Variants in CRIM1 observed in about 807,000 individuals in gnomAD.
CRIM1 encodes cysteine rich transmembrane BMP regulator 1.
A neutral mutation model predicts 116.4 loss-of-function variants in CRIM1; 32 were observed. The observed-to-expected ratio is 0.27, with a 90% CI of 0.21 to 0.37. CRIM1 has a LOEUF of 0.37. Ranked by LOEUF, CRIM1 falls within the 10% of genes least tolerant of loss-of-function variation. The pLI is 1.00. For missense variants in CRIM1, 1,331 were observed against 1,354.8 expected, an observed-to-expected ratio of 0.98 and a Z score of 0.28; for synonymous variants, 590 against 509.2, an observed-to-expected ratio of 1.16 and a Z score of -2.13.
intron 14 of CRIM1, among the ~76,000 whole-genome samples, chr2:36,542,805 G>A (rs1457039505): frequency 6.6e-6 from 1 of 152,156 alleles, no homozygotes; most frequent in Non-Finnish European, 1.5e-5. Flanking sequence ...ACACATGAGA[G>A]TTTTTCAGTG....
chr2:36,439,886 C>T (rs890687234), intron 2 of CRIM1, among the ~76,000 whole-genome samples: 2 of 152,154 alleles, frequency 1.3e-5, no homozygotes, highest in Non-Finnish European at 2.9e-5. Flanking sequence ...CTAACAAGGT[C>T]AGGAACCTGT....
chr2:36,407,883 A>T (rs1328898938), intron 2 of CRIM1, among the ~76,000 whole-genome samples: 32 of 152,216 alleles, frequency 2.1e-4, no homozygotes, highest in Non-Finnish European at 2.9e-5. Flanking sequence ...ATCTGTAAAC[A>T]GCATAATAAT....
intron 1 of CRIM1, among the ~76,000 whole-genome samples, chr2:36,389,968 A>G (rs1558529014): frequency 6.6e-6 from 1 of 152,086 alleles, no homozygotes; most frequent in East Asian, 1.9e-4. Flanking sequence ...ACATCTTGTA[A>G]GAGGCCTCAT....
At chr2:36,505,888 A>C (rs1166808673) in intron 8 of CRIM1, among the ~76,000 whole-genome samples, 1 of 152,176 alleles carries the variant, frequency 6.6e-6, no homozygotes, top group Non-Finnish European at 1.5e-5. Context: ...TCAAACACAT[A>C]CCATACCCAG....
At chr2:36,380,262 C>G (rs1044926562) in intron 1 of CRIM1, among the ~76,000 whole-genome samples, 1 of 152,190 alleles carries the variant, frequency 6.6e-6, no homozygotes, top group Admixed American at 6.5e-5. Context: ...AGTTTGAGCT[C>G]AAGCTCCTTA....
rs116289765 is a variant in CRIM1, at chr2:36,463,114, G to A, written c.870-1420G>A. Among the ~76,000 whole-genome samples, 335 of 152,302 alleles carry A rather than the reference G, an allele frequency of 2.2e-3. 2 individuals carry two copies. Among genetic ancestry groups the A allele is most frequent in the South Asian group, 0.011 (53 of 4,824 alleles). On this transcript the variant is annotated intron_variant, in intron 4 of 16. Coordinates refer to ENST00000280527, the MANE Select transcript of CRIM1 (RefSeq NM_016441.3). ...AATAGAACTGCCACCCCACATGGAA[G>A]AATCCTCAAGGAGCCTACCTTGGGG...
chr2:36,378,055 G>A (rs1558514945), intron 1 of CRIM1, among the ~76,000 whole-genome samples: 1 of 152,180 alleles, frequency 6.6e-6, no homozygotes, highest in Non-Finnish European at 1.5e-5. Flanking sequence ...TCCAACATGT[G>A]CAGTGGAGAT....
chr2:36,358,121 A>G (rs1668977958), intron 1 of CRIM1, among the ~76,000 whole-genome samples: 1 of 89,664 alleles, frequency 1.1e-5, no homozygotes, highest in Non-Finnish European at 2.6e-5. Context: ...TGCACACGTA[A>G]GACATTGGGT....
intron 5 of CRIM1, among the ~76,000 whole-genome samples, chr2:36,471,235 A>G (rs1678489080): frequency 6.6e-6 from 1 of 152,198 alleles, no homozygotes; most frequent in Admixed American, 6.5e-5. Flanking sequence ...GATTTAGACT[A>G]TTACATAAAT....
intron 11 of CRIM1, among the ~76,000 whole-genome samples, chr2:36,515,686 A>T (rs1482088729): frequency 1.3e-5 from 2 of 152,196 alleles, no homozygotes; most frequent in African/African-American, 4.8e-5. Context: ...TTTTGTCTCC[A>T]TGTCTCTGGC....
At chr2:36,487,648 T>C (rs980465647) in intron 7 of CRIM1, among the ~76,000 whole-genome samples, 2 of 152,068 alleles carry the variant, frequency 1.3e-5, no homozygotes, top group Admixed American at 1.3e-4. Context: ...CTTTGTCTTC[T>C]ATGACATAGT....
intron 4 of CRIM1, among the ~76,000 whole-genome samples, chr2:36,451,979 C>T (rs1038154255): frequency 2.0e-5 from 3 of 152,158 alleles, no homozygotes; most frequent in Non-Finnish European, 4.4e-5. Flanking sequence ...ATCATGCCTA[C>T]TCAAGCTAAC....
At chr2:36,392,812 GAATTGAA>G (rs1210844550) in intron 1 of CRIM1, among the ~76,000 whole-genome samples, 6 of 152,122 alleles carry the variant, frequency 3.9e-5, no homozygotes, top group Non-Finnish European at 5.9e-5. Flanking sequence ...AGCGGGCAGA[GAATTGAA>G]AGAGTTTACT....
chr2:36,446,944 C>A (rs912503915), intron 4 of CRIM1, among the ~76,000 whole-genome samples: 1 of 152,192 alleles, frequency 6.6e-6, no homozygotes, highest in Admixed American at 6.5e-5. Context: ...GAATTTACAA[C>A]AGAAACTTAA....
intron 7 of CRIM1, among the ~76,000 whole-genome samples, chr2:36,481,992 C>T (rs998872754): frequency 1.3e-5 from 2 of 152,204 alleles, no homozygotes; most frequent in Non-Finnish European, 2.9e-5. Flanking sequence ...ACTGTCTCCT[C>T]GCAGTTTGAA....
intron 5 of CRIM1, among the ~76,000 whole-genome samples, chr2:36,465,361 A>G (rs848562): frequency 0.088 from 13,474 of 152,268 alleles, 971 homozygotes; most frequent in Admixed American, 0.21. Context: ...TCTCTACCAG[A>G]ATATTCATTA....
At chr2:36,366,505 T>G (rs933945146) in intron 1 of CRIM1, among the ~76,000 whole-genome samples, 2 of 152,266 alleles carry the variant, frequency 1.3e-5, no homozygotes, top group East Asian at 3.9e-4. Flanking sequence ...ATTTGGAAAT[T>G]TTAGCAACCA....
chr2:36,526,339 G>A (rs1558402312), intron 13 of CRIM1, among the ~76,000 whole-genome samples: 1 of 152,136 alleles, frequency 6.6e-6, no homozygotes, highest in Non-Finnish European at 1.5e-5. Context: ...GAATTCTGAT[G>A]GGTGAAAAGA....
intron 7 of CRIM1, among the ~76,000 whole-genome samples, chr2:36,487,580 C>T (rs848539): frequency 0.083 from 12,362 of 149,466 alleles, 1,158 homozygotes; most frequent in East Asian, 0.26. Context: ...AAAAGGTGGC[C>T]GATCTAGCTG....
Sources: gnomAD v4.1 joint callset for allele counts (sites outside exome capture counted in the v4.1 genomes callset) on GRCh38, gnomAD v4.1.1 for gene constraint, MANE v1.5 for transcripts, NCBI Gene and HGNC (gene_info 2026-07-23, HGNC 2026-07-21) for gene names.